The following SMAP1 variants were observed in gnomAD, a reference collection of about 807,000 sequenced individuals.
SMAP1 encodes stromal membrane-associated protein 1.
Under a neutral mutation model 58.5 loss-of-function variants are expected in SMAP1, and 24 were observed. The observed-to-expected ratio is 0.41, with a 90% CI of 0.30 to 0.58. The LOEUF is 0.58. Ranked by LOEUF, SMAP1 falls within the 20% of genes least tolerant of loss-of-function variation. SMAP1 has a pLI of 0.29. For missense variants in SMAP1, 563 were observed against 566.3 expected, an observed-to-expected ratio of 0.99 and a Z score of 0.06; for synonymous variants, 216 against 196.6, an observed-to-expected ratio of 1.10 and a Z score of -0.82.
intron 7 of SMAP1, among the ~76,000 whole-genome samples, chr6:70,840,494 A>G (rs1354190170): frequency 6.6e-6 from 1 of 152,180 alleles, no homozygotes; most frequent in Non-Finnish European, 1.5e-5. Flanking sequence ...AGGCCTTATG[A>G]TCTCTTACAA....
intron 3 of SMAP1, among the ~76,000 whole-genome samples, chr6:70,763,219 T>C (rs1766829235): frequency 2.0e-5 from 3 of 150,698 alleles, no homozygotes; most frequent in African/African-American, 7.3e-5. Context: ...GGTCTCCATG[T>C]CACACTTTGG....
At chr6:70,725,330 A>G (rs911386855) in intron 1 of SMAP1, among the ~76,000 whole-genome samples, 1 of 151,298 alleles carries the variant, frequency 6.6e-6, no homozygotes, top group Non-Finnish European at 1.5e-5. Flanking sequence ...GTTAACCAGG[A>G]TGGTCTTGAT....
chr6:70,681,869 T>C (rs1766723975), intron 1 of SMAP1, among the ~76,000 whole-genome samples: 1 of 152,198 alleles, frequency 6.6e-6, no homozygotes, highest in African/African-American at 2.4e-5. Context: ...TATTAGGTGC[T>C]AATAGGGCTG....
intron 2 of SMAP1, among the ~76,000 whole-genome samples, chr6:70,740,773 A>C (rs1438939443): frequency 6.6e-6 from 1 of 152,178 alleles, no homozygotes; most frequent in African/African-American, 2.4e-5. Flanking sequence ...TCACACTGCT[A>C]ATAAAGACAT....
Position 70,727,067 on chromosome 6 carries a change from T to A in SMAP1, c.119-5311T>A, listed in dbSNP as rs543272488. 1.2e-3 allele frequency among the ~76,000 whole-genome samples: 187 copies of A among 152,206 alleles called. 3 individuals are homozygous for A. The highest frequency in any genetic ancestry group is 1.5e-4 in the Non-Finnish European group (10 of 67,996). ...CAAGAATGTACCTTGTTCTTTACCC[T>A]GTCCAGACTTTACCTGCTGTGTAAC... On this transcript the variant is annotated intron_variant, in intron 1 of 10. Transcript: ENST00000370455.
chr6:70,774,668 C>T (rs189874041), intron 4 of SMAP1, among the ~76,000 whole-genome samples: 83 of 151,988 alleles, frequency 5.5e-4, no homozygotes, highest in African/African-American at 2.0e-3. Context: ...CATTTGAACC[C>T]AGGAGTTCAA....
In SMAP1 at chr6:70,777,680, G is replaced by A. The variant is rs1482878319; in HGVS notation, c.414+4255G>A. Among the ~76,000 whole-genome samples the A allele has an allele frequency of 2.0e-5, 3 of 151,290 alleles. No homozygotes were observed. The East Asian group carries it at 5.8e-4, about 29-fold the overall frequency. ...TTGAAGTTTTATTCATAAGATCTTT[G>A]CCTAGACCAGTGTTTCCTATGTTTT... On this transcript the variant is annotated intron_variant, in intron 4 of 10. Coordinates refer to ENST00000370455, the MANE Select transcript of SMAP1 (RefSeq NM_001044305.3).
intron 1 of SMAP1, among the ~76,000 whole-genome samples, chr6:70,691,324 T>C (rs961680229): frequency 6.6e-6 from 1 of 152,172 alleles, no homozygotes; most frequent in African/African-American, 2.4e-5. Context: ...TATGGGTACA[T>C]ATAATAGTAG....
chr6:70,754,283 GA>G (rs1582117653), intron 2 of SMAP1, among the ~76,000 whole-genome samples: 1 of 152,028 alleles, frequency 6.6e-6, no homozygotes, highest in East Asian at 1.9e-4. Context: ...AGATGACACT[GA>G]AACCTAATTA....
chr6:70,798,505 T>C (rs754058487), intron 5 of SMAP1, 152 bp from the exon 6 acceptor site: 9 of 542,708 alleles, frequency 1.7e-5, no homozygotes, highest in Non-Finnish European at 2.9e-5. Context: ...AGAATATGAA[T>C]TTACTGTTTA....
chr6:70,841,264 C>T (rs1770794345), intron 7 of SMAP1, among the ~76,000 whole-genome samples: 1 of 152,190 alleles, frequency 6.6e-6, no homozygotes, highest in Non-Finnish European at 1.5e-5. Flanking sequence ...ATTAATGGTT[C>T]CTGCAGGGGT....
At chr6:70,688,637 T>C (rs1369600440) in intron 1 of SMAP1, among the ~76,000 whole-genome samples, 1 of 152,202 alleles carries the variant, frequency 6.6e-6, no homozygotes, top group Non-Finnish European at 1.5e-5. Flanking sequence ...TAAATAGATT[T>C]TGTTTTTTAC....
At chr6:70,793,900 A>G (rs996016448) in intron 5 of SMAP1, among the ~76,000 whole-genome samples, 6 of 151,566 alleles carry the variant, frequency 4.0e-5, no homozygotes, top group African/African-American at 1.5e-4. Flanking sequence ...ATGCCTGGCT[A>G]ATTATGTATT....
chr6:70,815,981 A>G (rs1769612318), intron 6 of SMAP1, among the ~76,000 whole-genome samples: 1 of 152,146 alleles, frequency 6.6e-6, no homozygotes, highest in Admixed American at 6.6e-5. Flanking sequence ...AAATTCAGAA[A>G]GAACTAGTGA....
intron 6 of SMAP1, among the ~76,000 whole-genome samples, chr6:70,819,130 G>A (rs182933491): frequency 9.1e-4 from 139 of 152,022 alleles, no homozygotes; most frequent in African/African-American, 3.3e-3. Context: ...ATGGTCTTTC[G>A]TAGTGGTTTC....
Position 70,860,382 on chromosome 6 carries a change from C to A in SMAP1, c.*48C>A. ...CAGAACTACCACCTGACATTCCTTG[C>A]TGAAACGCATCTAGTTCCCCTGTTT... On this transcript the variant is annotated 3_prime_UTR_variant, in exon 11 of 11. Coordinates refer to ENST00000370455, the MANE Select transcript of SMAP1 (RefSeq NM_001044305.3). The A allele has an allele frequency of 6.4e-7, 1 of 1,567,726 alleles. No individual in the cohort carries two copies. Among genetic ancestry groups the A allele is most frequent in the South Asian group, 1.2e-5 (1 of 83,384 alleles).
intron 2 of SMAP1, among the ~76,000 whole-genome samples, chr6:70,736,496 T>C (rs1184264457): frequency 1.3e-5 from 2 of 152,154 alleles, no homozygotes; most frequent in African/African-American, 4.8e-5. Context: ...GTATATGCCA[T>C]ATGGATACAG....
In SMAP1 at chr6:70,861,653, C is replaced by T; in HGVS notation, c.*1319C>T. 6.2e-7 allele frequency: 1 copy of T among 1,611,258 alleles called. No individual in the cohort carries two copies. Among genetic ancestry groups the T allele is most frequent in the Non-Finnish European group, 8.5e-7 (1 of 1,177,628 alleles). ...CTGGCTGGACAAACTGCACCAGTTG[C>T]TGCTTCAATTTATACCTCAATTTTC... On this transcript the variant is annotated 3_prime_UTR_variant, in exon 11 of 11. Transcript: ENST00000370455.
At chr6:70,689,062 C>A (rs544860819) in intron 1 of SMAP1, among the ~76,000 whole-genome samples, 1 of 151,828 alleles carries the variant, frequency 6.6e-6, no homozygotes, top group Non-Finnish European at 1.5e-5. Context: ...TGCAGTGGTG[C>A]GATCTGGGCT....
Sources: gnomAD v4.1 joint callset for allele counts (sites outside exome capture counted in the v4.1 genomes callset) on GRCh38, gnomAD v4.1.1 for gene constraint, MANE v1.5 for transcripts, NCBI Gene and HGNC (gene_info 2026-07-23, HGNC 2026-07-21) for gene names.